Variants in SEMA6D observed in about 807,000 individuals in gnomAD.
SEMA6D encodes the protein semaphorin-6D.
A neutral mutation model predicts 106.6 loss-of-function variants in SEMA6D; 35 were observed. That is an observed-to-expected ratio of 0.33 (90% CI 0.25 to 0.44). The LOEUF is 0.44. SEMA6D is among the 20% of genes least tolerant of loss of function. The pLI, the probability that SEMA6D is intolerant of heterozygous loss-of-function variation, is 1.00. For missense variants in SEMA6D, 1,185 were observed against 1,345.9 expected (o/e 0.88, Z 1.87); for synonymous variants, 499 against 487.7 (o/e 1.02, Z -0.31).
intron 1 of SEMA6D, among the ~76,000 whole-genome samples, chr15:47,746,036 G>T (rs1044821507): frequency 6.6e-6 from 1 of 152,132 alleles, no homozygotes; most frequent in South Asian, 2.1e-4. Context: ...CTTTCTCTAC[G>T]TTTGTTAGAG....
chr15:47,502,947 A>G (rs1567125671), intron 3 of SEMA6D, among the ~76,000 whole-genome samples: 1 of 152,222 alleles, frequency 6.6e-6, no homozygotes, highest in Non-Finnish European at 1.5e-5. Flanking sequence ...ATTTTTGTTT[A>G]AAGCCTGGTC....
intron 4 of SEMA6D, among the ~76,000 whole-genome samples, chr15:47,694,161 T>C (rs1356933706): frequency 6.6e-6 from 1 of 152,040 alleles, no homozygotes; most frequent in Non-Finnish European, 1.5e-5. Flanking sequence ...AAACAGAAAC[T>C]CTTGGGGCAG....
At chr15:47,703,422 A>T (rs1355558177) in intron 4 of SEMA6D, among the ~76,000 whole-genome samples, 1 of 152,200 alleles carries the variant, frequency 6.6e-6, no homozygotes, top group Non-Finnish European at 1.5e-5. Context: ...AATTTATGAC[A>T]TAGGCTCTAA....
At chr15:47,756,060 A>T (rs1158006936) in intron 1 of SEMA6D, among the ~76,000 whole-genome samples, 1 of 151,992 alleles carries the variant, frequency 6.6e-6, no homozygotes, top group Non-Finnish European at 1.5e-5. Flanking sequence ...TAACATTAGG[A>T]ATGTATGGGA....
intron 1 of SEMA6D, among the ~76,000 whole-genome samples, chr15:47,292,652 C>A (rs910627716): frequency 6.6e-6 from 1 of 152,112 alleles, no homozygotes; most frequent in Non-Finnish European, 1.5e-5. Context: ...GTAAGGGATA[C>A]ACAGACAAAT....
chr15:47,293,753 C>A (rs990815168), intron 1 of SEMA6D, among the ~76,000 whole-genome samples: 8 of 152,208 alleles, frequency 5.3e-5, no homozygotes, highest in African/African-American at 9.7e-5. Flanking sequence ...TGGTTTAATG[C>A]AGCACGTGTA....
intron 1 of SEMA6D, among the ~76,000 whole-genome samples, chr15:47,352,012 C>G (rs149606069): frequency 6.6e-6 from 1 of 152,088 alleles, no homozygotes; most frequent in Non-Finnish European, 1.5e-5. Context: ...AAGAACTGTC[C>G]TCTTGCTGAA....
chr15:47,471,931 T>TCTCTCTCA lies in SEMA6D; in HGVS notation c.-87+1387_-87+1388insTCTCTCAC, dbSNP rs1555445502. Among the ~76,000 whole-genome samples the TCTCTCTCA allele has an allele frequency of 1.1e-3, 138 of 121,510 alleles. 1 individual carries two copies. Among genetic ancestry groups the TCTCTCTCA allele is most frequent in the Non-Finnish European group, 1.9e-3 (113 of 59,790 alleles). The allele number at this position is 121,510 out of a possible 152,430, so 79.7% of individuals were successfully genotyped here. ...CTCTCTCTCTCTCTCTCTCTCTCTCTCACACACACACACACACACACACAC... is the reference window on the plus strand; with the variant it reads ...CTCTCTCTCTCTCTCTCTCTCTCTCTCTCTCTCACACACACACACACACACACACACAC... On this transcript the variant is annotated intron_variant, in intron 3 of 19. Coordinates refer to the SEMA6D transcript ENST00000558014.
At chr15:47,687,349 G>A (rs1008359727) in intron 4 of SEMA6D, among the ~76,000 whole-genome samples, 26 of 152,132 alleles carry the variant, frequency 1.7e-4, no homozygotes, top group Non-Finnish European at 2.6e-4. Context: ...AAATTAAAAT[G>A]TGTGGCCAAG....
chr15:47,644,503 G>A (rs534497321), intron 4 of SEMA6D, among the ~76,000 whole-genome samples: 3 of 152,370 alleles, frequency 2.0e-5, no homozygotes, highest in South Asian at 2.1e-4. Flanking sequence ...CAATGTGATA[G>A]TATTAAGATG....
intron 4 of SEMA6D, among the ~76,000 whole-genome samples, chr15:47,699,597 C>A (rs2078767967): frequency 6.6e-6 from 1 of 152,176 alleles, no homozygotes; most frequent in South Asian, 2.1e-4. Context: ...TAGTGGCTGT[C>A]TCTCCATGTT....
intron 3 of SEMA6D, among the ~76,000 whole-genome samples, chr15:47,547,321 A>G (rs1368089452): frequency 6.6e-6 from 1 of 152,098 alleles, no homozygotes; most frequent in Non-Finnish European, 1.5e-5. Context: ...CACCATCACC[A>G]CTAATCACAG....
chr15:47,563,659 C>G (rs1298538170), intron 3 of SEMA6D, among the ~76,000 whole-genome samples: 1 of 152,096 alleles, frequency 6.6e-6, no homozygotes, highest in African/African-American at 2.4e-5. Flanking sequence ...TGCCTTATCC[C>G]TTCTATTGTC....
intron 3 of SEMA6D, among the ~76,000 whole-genome samples, chr15:47,519,122 T>G (rs1162562149): frequency 6.6e-6 from 1 of 151,894 alleles, no homozygotes; most frequent in African/African-American, 2.4e-5. Context: ...AATAAATAAA[T>G]AAACGTTAAA....
rs1485187780 is a variant in SEMA6D, at chr15:47,396,656, G to C, written c.-238-15737G>C. The C allele has an allele frequency of 2.6e-5, 4 of 152,264 alleles. No individual in the cohort carries two copies. The East Asian group carries it at 5.8e-4, about 22-fold the overall frequency. The allele number at this position is 152,264 out of a possible 1,614,324, so 9.4% of individuals were successfully genotyped here. Reference sequence around the variant, plus strand: ...CTTTATCCTAGCTGCACTGGCAGTTGATTAGCCCGTGCTCACCCAGATTGA... The same window carrying C: ...CTTTATCCTAGCTGCACTGGCAGTTCATTAGCCCGTGCTCACCCAGATTGA... On this transcript the variant is annotated intron_variant, in intron 1 of 19. Transcript: ENST00000558014.
intron 1 of SEMA6D, among the ~76,000 whole-genome samples, chr15:47,753,132 G>A (rs1343632093): frequency 1.3e-5 from 2 of 152,282 alleles, no homozygotes; most frequent in East Asian, 1.9e-4. Context: ...CAGGAGGGAG[G>A]AATGTAAGTA....
chr15:47,207,869 A>G (rs1895180433), intron 1 of SEMA6D, among the ~76,000 whole-genome samples: 1 of 152,030 alleles, frequency 6.6e-6, no homozygotes, highest in Admixed American at 6.6e-5. Context: ...TAAGATGTCC[A>G]TTTTACAGAT....
At chr15:47,528,012 T>C (rs2044821061) in intron 3 of SEMA6D, among the ~76,000 whole-genome samples, 1 of 152,206 alleles carries the variant, frequency 6.6e-6, no homozygotes, top group South Asian at 2.1e-4. Context: ...GTAGTATCAT[T>C]TTATTTCCAT....
In SEMA6D at chr15:47,196,865, A is replaced by G. The variant is rs796806816; in HGVS notation, c.-239+12447A>G. On this transcript the variant is annotated intron_variant, in intron 1 of 19. Coordinates refer to the SEMA6D transcript ENST00000558014. Reference sequence around the variant, plus strand: ...CACATAATATCAATTATAGAAGACAACCAACAAAAGATCTTAAGCTTGTCA... The same window carrying G: ...CACATAATATCAATTATAGAAGACAGCCAACAAAAGATCTTAAGCTTGTCA... Among the ~76,000 whole-genome samples the G allele has an allele frequency of 1.6e-3, 238 of 152,298 alleles. 2 individuals are homozygous for G. Among genetic ancestry groups the G allele is most frequent in the African/African-American group, 5.4e-3 (224 of 41,552 alleles).
Sources: gnomAD v4.1 joint callset for allele counts (sites outside exome capture counted in the v4.1 genomes callset) on GRCh38, gnomAD v4.1.1 for gene constraint, MANE v1.5 for transcripts, NCBI Gene and HGNC (gene_info 2026-07-23, HGNC 2026-07-21) for gene names.